JCAD: variants seen among roughly 807,000 people sequenced by gnomAD.
The protein encoded by JCAD is junctional cadherin 5 associated, also known as junctional cadherin 5-associated protein.
In JCAD, 40 loss-of-function variants were observed where a neutral mutation model predicts 98.0. The observed-to-expected ratio is 0.41, with a 90% CI of 0.32 to 0.53. The LOEUF is 0.53. JCAD is among the 20% of genes least tolerant of loss of function. The pLI is 0.31. For synonymous variants in JCAD, 691 were observed against 682.3 expected (o/e 1.01, Z -0.20); for missense variants, 1,705 against 1,738.1 (o/e 0.98, Z 0.34).
At chr10:30,106,213 G>A (rs567986674) in intron 1 of JCAD, among the ~76,000 whole-genome samples, 83 of 152,052 alleles carry the variant, frequency 5.5e-4, no homozygotes, top group African/African-American at 1.7e-3. Context: ...ACTTGATGCC[G>A]GGAGTTCAAG....
chr10:30,055,989 CTG>C, intron 1 of JCAD, among the ~76,000 whole-genome samples: 1 of 152,116 alleles, frequency 6.6e-6, no homozygotes, highest in South Asian at 2.1e-4. Flanking sequence ...CCTCTAAATT[CTG>C]TGTCACACAA....
At chr10:30,098,451 T>G (rs957358333) in intron 1 of JCAD, among the ~76,000 whole-genome samples, 4 of 152,212 alleles carry the variant, frequency 2.6e-5, no homozygotes, top group Non-Finnish European at 5.9e-5. Context: ...CTCTTCGCCC[T>G]GCATTTCTTC....
chr10:30,092,064 A>AAAT (rs1554802503), intron 1 of JCAD, among the ~76,000 whole-genome samples: 9 of 19,028 alleles, frequency 4.7e-4, no homozygotes, highest in African/African-American at 6.7e-4. Flanking sequence ...AAAAAAAAAA[A>AAAT]ATATATATAT....
At chr10:30,084,140 A>G (rs1838130675) in intron 1 of JCAD, among the ~76,000 whole-genome samples, 1 of 150,912 alleles carries the variant, frequency 6.6e-6, no homozygotes, top group Non-Finnish European at 1.5e-5. Context: ...AAAGGAAGAG[A>G]AAAGAAAAAA....
At chr10:30,051,971 T>C (rs1489743368) in intron 1 of JCAD, among the ~76,000 whole-genome samples, 1 of 152,230 alleles carries the variant, frequency 6.6e-6, no homozygotes, top group African/African-American at 2.4e-5. Context: ...CAAAATTCTC[T>C]TTTCCCCAAA....
chr10:30,030,096 T>TGGGGCAGCCCA (rs1463220576), intron 2 of JCAD, among the ~76,000 whole-genome samples: 1 of 152,190 alleles, frequency 6.6e-6, no homozygotes, highest in African/African-American at 2.4e-5. Context: ...CCCACAAGAA[T>TGGGGCAGCCCA]ACAGGGATGT....
chr10:30,047,597 GCGGCTTT>G lies in JCAD; in HGVS notation c.209_215del (p.Glu70AlafsTer78), dbSNP rs1837370739. On this transcript the variant is annotated frameshift_variant, in exon 2 of 4. Transcript: ENST00000375377. LOFTEE classifies it high-confidence loss of function. The stretch of plus-strand genomic sequence containing the variant: ...CCCCGTGGCCTCTCGGTGTGCTGCG[GCGGCTTT>G]CGGAGTCACTCACATGTCCTTTCCC... The G allele has an allele frequency of 1.2e-6, 2 of 1,614,118 alleles. No homozygotes were observed. Among genetic ancestry groups the G allele is most frequent in the Admixed American group, 3.3e-5 (2 of 60,020 alleles).
intron 2 of JCAD, among the ~76,000 whole-genome samples, chr10:30,045,772 C>G (rs1429564194): frequency 6.6e-6 from 1 of 152,176 alleles, no homozygotes; most frequent in Non-Finnish European, 1.5e-5. Flanking sequence ...TTGTGATTTT[C>G]CCCCCTGAGC....
chr10:30,066,651 C>G (rs149060502), intron 2 of JCAD, among the ~76,000 whole-genome samples: 1 of 152,148 alleles, frequency 6.6e-6, no homozygotes, highest in Non-Finnish European at 1.5e-5. Context: ...CCTTGGGCTG[C>G]CTCTCCCACC....
chr10:30,024,688 A>ATTT (rs35394945), intron 3 of JCAD, among the ~76,000 whole-genome samples: 109 of 100,692 alleles, frequency 1.1e-3, no homozygotes, highest in East Asian at 1.7e-3. Context: ...GCCCATGTAC[A>ATTT]TTTTTTTTTT....
rs7917573 is a variant in JCAD at position 30,028,687 on chromosome 10, C to G, written c.1461G>C (p.Glu487Asp). The G allele has an allele frequency of 6.2e-7, 1 of 1,608,562 alleles. No homozygotes were observed. The highest frequency in any genetic ancestry group is 8.5e-7 in the Non-Finnish European group (1 of 1,177,042). ...PQSLIPPSGD[E>D]RGLVLADSSP... ...TGGAATCGGCCAAGACCAGGCCTCT[C>G]TCATCCCCCGACGGGGGTATTAAGC... Residue 487 changes from glutamate (E) to aspartate (D), a missense_variant, in exon 3 of 4, where the codon GAG (glutamate) becomes GAC (aspartate). By Grantham distance (45) the Glu-to-Asp change is conservative (BLOSUM62 2). This residue lies in a region of JCAD where 1,278 missense variants were observed against 1,243.1 expected (regional missense o/e 1.03). Transcript: ENST00000375377.
chr10:30,029,490 C>A lies in JCAD; in HGVS notation c.658G>T (p.Val220Leu). 6.2e-7 allele frequency: 1 copy of A among 1,614,212 alleles called. No individual in the cohort carries two copies. The highest frequency in any genetic ancestry group is 8.5e-7 in the Non-Finnish European group (1 of 1,180,042). ...TTCCCTTTGTTTTGAGAATTCAACA[C>A]ATGTTCTCCTTGAATGAATGGGTAC... is the stretch of plus-strand genomic sequence containing the variant. ...DLYPFIQGEH[V>L]LNSQNKGKSR... is the part of the protein sequence containing the mutation. The change falls in exon 3 of 4, where the codon GTG (valine) becomes TTG (leucine). Residue 220 changes from valine (V) to leucine (L), a missense_variant. Around this residue, in one of 3 missense-constraint regions of JCAD, gnomAD observed 275 missense variants for 346.9 expected, o/e 0.79. Coordinates refer to ENST00000375377, the MANE Select transcript of JCAD (RefSeq NM_020848.4).
intron 1 of JCAD, among the ~76,000 whole-genome samples, chr10:30,082,658 C>A (rs1336921931): frequency 6.6e-6 from 1 of 151,846 alleles, no homozygotes; most frequent in African/African-American, 2.4e-5. Flanking sequence ...TTGAGACCAG[C>A]CTGACCAACA....
At position 30,026,482 on chromosome 10, in the gene JCAD, T is replaced by C; in HGVS notation, c.3666A>G (p.Arg1222=). ...FRSTLFHFVE[R]TPSVAGSEKR... Reference sequence around the variant, plus strand: ...TTTCAGAGCCTGCCACACTTGGGGTTCTTTCTACAAAATGGAATAAAGTGG... The same window carrying C: ...TTTCAGAGCCTGCCACACTTGGGGTCCTTTCTACAAAATGGAATAAAGTGG... The change falls in exon 3 of 4, where the codon AGA becomes AGG. Residue 1222 remains arginine (R), a synonymous_variant. Transcript: ENST00000375377. 1 of 1,614,248 alleles carries C rather than the reference T, an allele frequency of 6.2e-7. No individual in the cohort carries two copies. The highest frequency in any genetic ancestry group is 1.1e-5 in the South Asian group (1 of 91,084).
At chr10:30,093,380 T>C (rs1016860267) in intron 1 of JCAD, among the ~76,000 whole-genome samples, 4 of 152,248 alleles carry the variant, frequency 2.6e-5, no homozygotes, top group African/African-American at 4.8e-5. Context: ...GCTTACAAGA[T>C]AGTGTTCACA....
intron 1 of JCAD, among the ~76,000 whole-genome samples, chr10:30,107,016 CCT>C (rs1265312134): frequency 5.3e-5 from 8 of 152,352 alleles, no homozygotes; most frequent in Non-Finnish European, 8.8e-5. Context: ...CCATGGCAGT[CCT>C]GATTCTTTAT....
intron 2 of JCAD, among the ~76,000 whole-genome samples, chr10:30,037,554 A>C (rs958473699): frequency 5.9e-5 from 9 of 152,256 alleles, no homozygotes; most frequent in Admixed American, 5.9e-4. Context: ...TTATGATGTC[A>C]CAATGAATGA....
intron 1 of JCAD, among the ~76,000 whole-genome samples, chr10:30,098,421 C>G (rs997970115): frequency 2.6e-5 from 4 of 152,112 alleles, no homozygotes; most frequent in Admixed American, 1.3e-4. Context: ...CACATCTAGG[C>G]CTGGTTTCTT....
At chr10:30,093,537 C>T (rs1291205182) in intron 1 of JCAD, among the ~76,000 whole-genome samples, 3 of 152,198 alleles carry the variant, frequency 2.0e-5, no homozygotes, top group Non-Finnish European at 4.4e-5. Flanking sequence ...CTTGCTGGCT[C>T]GCTGCATTAA....
Sources: gnomAD v4.1 joint callset for allele counts (sites outside exome capture counted in the v4.1 genomes callset) on GRCh38, gnomAD v4.1.1 for gene constraint, gnomAD v4.1.1 regional missense constraint, MANE v1.5 for transcripts, NCBI Gene and HGNC (gene_info 2026-07-23, HGNC 2026-07-21) for gene names.